Variants in UGT1A5 observed in about 807,000 individuals in gnomAD.
UGT1A5 encodes UDP-glucuronosyltransferase 1A5.
UGT1A5 carries 29 observed loss-of-function variants against 40.3 expected under a neutral mutation model. The ratio of observed to expected loss-of-function variants is 0.72; its 90% CI spans 0.54 to 0.98. The LOEUF (loss-of-function observed/expected upper bound fraction) is 0.98. UGT1A5 is among the 50% of genes least tolerant of loss of function. The pLI is 0.00. For synonymous variants in UGT1A5, 257 were observed against 262.5 expected (o/e 0.98, Z 0.20); for missense variants, 678 against 677.9 (o/e 1.00, Z 0.00).
At chr2:233,724,723 C>T (rs1313169772) in intron 1 of UGT1A5, among the ~76,000 whole-genome samples, 1 of 144,588 alleles carries the variant, frequency 6.9e-6, no homozygotes, top group African/African-American at 2.6e-5. Flanking sequence ...GACTGGGCAG[C>T]CAGGCAGAGG....
chr2:233,772,918 GCAGTTTTAATCTTATCTTTT>G lies in UGT1A5; in HGVS notation c.*360_*379del. 2.7e-6 allele frequency: 1 copy of G among 377,336 alleles called. No homozygotes were observed. The allele number at this position is 377,336 out of a possible 1,614,324, so 23.4% of individuals were successfully genotyped here. A position where few individuals can be genotyped will look rare whatever the true frequency, so the allele number is the denominator to read the frequency against. On this transcript the variant is annotated 3_prime_UTR_variant, in exon 5 of 5. Transcript: ENST00000373414. ...CCCACGGCTGCCCCTACTGCAAATG[GCAGTTTTAATCTTATCTTTT>G]GGCTTCTGCAGATGGTTGCAATTGA...
At chr2:233,729,130 G>T (rs1021127658) in intron 1 of UGT1A5, 3 of 1,613,064 alleles carry the variant, frequency 1.9e-6, no homozygotes, top group Admixed American at 3.3e-5. Context: ...TGCTGAGATG[G>T]CCACAGGACT....
At position 233,728,920 on chromosome 2, in the gene UGT1A5, G is replaced by C. The variant is rs45496293; in HGVS notation, c.867+15062G>C. Among the ~76,000 whole-genome samples the C allele has an allele frequency of 4.5e-3, 686 of 151,868 alleles. 5 individuals carry two copies. Among genetic ancestry groups the C allele is most frequent in the African/African-American group, 0.016 (647 of 41,130 alleles). Reference sequence around the variant, plus strand: ...AGGGTCAGACGTGTTTTTCAAGATAGTCATGATCGGTCTTTTCCAGGGTGG... The same window carrying C: ...AGGGTCAGACGTGTTTTTCAAGATACTCATGATCGGTCTTTTCCAGGGTGG... On this transcript the variant is annotated intron_variant, in intron 1 of 4. Transcript: ENST00000373414.
At chr2:233,747,626 C>T (rs546895525) in intron 1 of UGT1A5, 3 of 1,577,388 alleles carry the variant, frequency 1.9e-6, no homozygotes, top group Admixed American at 1.7e-5. Flanking sequence ...AGGCCCTGAT[C>T]AGGCACCTGA....
intron 1 of UGT1A5, chr2:233,718,997 G>T (rs2076712017): frequency 6.2e-7 from 1 of 1,614,222 alleles, no homozygotes; most frequent in Non-Finnish European, 8.5e-7. Flanking sequence ...ACCAGGCGGT[G>T]GTCCTCACCC....
chr2:233,754,950 C>T lies in UGT1A5; in HGVS notation c.868-12084C>T, dbSNP rs186689116. ...CAAGAGGTCAAAGGAGAATGGGTCC[C>T]GGCCGCCAAAGAACTCCCTGAAGAC... On this transcript the variant is annotated intron_variant, in intron 1 of 4. Transcript: ENST00000373414. The T allele has an allele frequency of 1.7e-3, 2,306 of 1,324,608 alleles. 28 individuals carry two copies. In the African/African-American group the frequency reaches 0.028, roughly 16 times the overall value. The allele number at this position is 1,324,608 out of a possible 1,614,324, so 82.1% of individuals were successfully genotyped here.
Position 233,743,773 on chromosome 2 carries a change from C to G in UGT1A5, c.868-23261C>G, listed in dbSNP as rs367921172. 3 of 1,367,248 alleles carry G rather than the reference C, an allele frequency of 2.2e-6. No homozygotes were observed. In the East Asian group the frequency reaches 1.4e-4, roughly 62 times the overall value. The allele number at this position is 1,367,248 out of a possible 1,614,324, so 84.7% of individuals were successfully genotyped here. A position where few individuals can be genotyped will look rare whatever the true frequency, so the allele number is the denominator to read the frequency against. On this transcript the variant is annotated intron_variant, in intron 1 of 4. Coordinates refer to ENST00000373414, the MANE Select transcript of UGT1A5 (RefSeq NM_019078.2). ...ACAACACCTCGTAGGCCTCGGCCACCTGCTTGAATCTCCTCTCCGCTTCCT... is the reference window on the plus strand; with the variant it reads ...ACAACACCTCGTAGGCCTCGGCCACGTGCTTGAATCTCCTCTCCGCTTCCT...
At chr2:233,716,525 A>G (rs931011254) in intron 1 of UGT1A5, among the ~76,000 whole-genome samples, 1 of 152,164 alleles carries the variant, frequency 6.6e-6, no homozygotes, top group Non-Finnish European at 1.5e-5. Flanking sequence ...CTTACCATTC[A>G]ATTATCTCCT....
intron 1 of UGT1A5, among the ~76,000 whole-genome samples, chr2:233,716,976 C>T (rs1875263): frequency 0.42 from 64,188 of 151,992 alleles, 14,717 homozygotes; most frequent in African/African-American, 0.61. Context: ...TCTCCCTCCC[C>T]ACAGTCCTGC....
chr2:233,756,691 G>A (rs1044916114), intron 1 of UGT1A5, among the ~76,000 whole-genome samples: 1 of 152,108 alleles, frequency 6.6e-6, no homozygotes, highest in Non-Finnish European at 1.5e-5. Flanking sequence ...ATATAATGAC[G>A]ATGAATTTTG....
chr2:233,744,390 C>A (rs894432341), intron 1 of UGT1A5, among the ~76,000 whole-genome samples: 4 of 151,862 alleles, frequency 2.6e-5, no homozygotes, highest in Non-Finnish European at 5.9e-5. Context: ...AACGTTCCAG[C>A]CCCGGTGCCC....
In UGT1A5 at chr2:233,755,048, C is replaced by T; in HGVS notation, c.868-11986C>T. ...AGGGCCTGCCGCCTGCGCAGCCGCC[C>T]TCCGCCCTCGCCTCGCCATAGCGGT... On this transcript the variant is annotated intron_variant, in intron 1 of 4. Transcript: ENST00000373414. 4 of 1,330,776 alleles carry T rather than the reference C, an allele frequency of 3.0e-6. No homozygotes were observed. In the South Asian group the frequency reaches 3.4e-5, roughly 11 times the overall value. The allele number at this position is 1,330,776 out of a possible 1,614,324, so 82.4% of individuals were successfully genotyped here.
intron 1 of UGT1A5, among the ~76,000 whole-genome samples, chr2:233,739,420 AG>A (rs1432310727): frequency 3.3e-5 from 5 of 152,220 alleles, no homozygotes; most frequent in African/African-American, 1.2e-4. Flanking sequence ...GAAAGCAGCC[AG>A]GACGAGGGCT....
intron 1 of UGT1A5, among the ~76,000 whole-genome samples, chr2:233,735,380 C>T (rs2078647090): frequency 1.3e-5 from 2 of 152,070 alleles, no homozygotes; most frequent in Middle Eastern, 3.2e-3. Context: ...TTCCTCCATC[C>T]CTTTATTTTG....
intron 1 of UGT1A5, among the ~76,000 whole-genome samples, chr2:233,720,053 A>T (rs2076826594): frequency 6.6e-6 from 1 of 152,182 alleles, no homozygotes; most frequent in Non-Finnish European, 1.5e-5. Flanking sequence ...CTGAACGGTG[A>T]TGCAACAGTA....
chr2:233,758,423 G>T (rs1305067521), intron 1 of UGT1A5, among the ~76,000 whole-genome samples: 3 of 152,182 alleles, frequency 2.0e-5, no homozygotes, highest in Non-Finnish European at 1.5e-5. Flanking sequence ...ATCTGCAAAT[G>T]AACTCACACA....
chr2:233,713,977 CATT>C (rs2076359856), intron 1 of UGT1A5, 119 bp downstream of exon 1: 15 of 1,595,186 alleles, frequency 9.4e-6, no homozygotes, highest in African/African-American at 5.4e-5. Context: ...TTCTGCTTCT[CATT>C]GTTGTAATAG....
chr2:233,724,604 G>A (rs1340979109), intron 1 of UGT1A5, among the ~76,000 whole-genome samples: 2 of 132,722 alleles, frequency 1.5e-5, no homozygotes, highest in Non-Finnish European at 3.2e-5. Flanking sequence ...GACGATGGGC[G>A]GCCGGGCAGA....
chr2:233,755,070 C>G, intron 1 of UGT1A5: 1 of 1,336,550 alleles, frequency 7.5e-7, no homozygotes, highest in African/African-American at 1.5e-5. Flanking sequence ...CTCGCCATAG[C>G]GGTCATAGAT....
Sources: gnomAD v4.1 joint callset for allele counts (sites outside exome capture counted in the v4.1 genomes callset) on GRCh38, gnomAD v4.1.1 for gene constraint, MANE v1.5 for transcripts, NCBI Gene and HGNC (gene_info 2026-07-23, HGNC 2026-07-21) for gene names.